The following ANO10 variants were observed in gnomAD, a reference collection of about 807,000 sequenced individuals.
ANO10 encodes anoctamin 10, also known as anoctamin-10.
Under a neutral mutation model 74.7 loss-of-function variants are expected in ANO10, and 77 were observed. That is an observed-to-expected ratio of 1.03 (90% confidence interval 0.86 to 1.25). ANO10 has a LOEUF of 1.25. Ranked by LOEUF, ANO10 falls within the 50% of genes most tolerant of loss-of-function variation. The pLI, the probability that ANO10 is intolerant of heterozygous loss-of-function variation, is 0.00. For synonymous variants in ANO10, 279 were observed against 284.9 expected, an observed-to-expected ratio of 0.98 and a Z score of 0.21; for missense variants, 721 against 778.1, an observed-to-expected ratio of 0.93 and a Z score of 0.87.
At chr3:43,441,070 G>C (rs2093151483) in intron 11 of ANO10, among the ~76,000 whole-genome samples, 1 of 151,794 alleles carries the variant, frequency 6.6e-6, no homozygotes, top group Non-Finnish European at 1.5e-5. Context: ...GTTTATAGTG[G>C]TAAATGCTTA....
At chr3:43,626,986 GACTC>G (rs1397702000), upstream of ANO10, among the ~76,000 whole-genome samples, 1 of 119,082 alleles carries the variant, frequency 8.4e-6, no homozygotes, top group Non-Finnish European at 1.6e-5. Context: ...AGCCATTGAA[GACTC>G]ACTGTCAGTA....
At chr3:43,484,512 A>C (rs2076389786) in intron 11 of ANO10, among the ~76,000 whole-genome samples, 1 of 152,178 alleles carries the variant, frequency 6.6e-6, no homozygotes, top group Non-Finnish European at 1.5e-5. Context: ...ATGTCAAAGA[A>C]ATATATTTTT....
intron 12 of ANO10, among the ~76,000 whole-genome samples, chr3:43,394,400 T>C (rs1176292234): frequency 1.3e-5 from 2 of 152,146 alleles, no homozygotes; most frequent in Non-Finnish European, 2.9e-5. Context: ...TTTTTCTTTT[T>C]CCCTTGTGTC....
In ANO10 at chr3:43,561,240, T is replaced by C. The variant is rs1328978968; in HGVS notation, c.1456A>G (p.Lys486Glu). 3.7e-6 allele frequency: 6 copies of C among 1,614,198 alleles called. No homozygotes were observed. Among genetic ancestry groups the C allele is most frequent in the African/African-American group, 1.3e-5 (1 of 75,056 alleles). The part of the protein sequence containing the change: ...ATLYEQVILE[K>E]EMGTYLGTFD... ...CTTACCAAATAAGTTCCCATTTCTTTTTCCAGGATGACTTGTTCATATAAT... is the reference window on the plus strand; with the variant it reads ...CTTACCAAATAAGTTCCCATTTCTTCTTCCAGGATGACTTGTTCATATAAT... Residue 486 changes from lysine to glutamate, a missense_variant, in exon 9 of 13, where the codon AAA (lysine) becomes GAA (glutamate). Physicochemically the swap from Lys to Glu is moderately conservative, Grantham distance 56 (BLOSUM62 1). Coordinates refer to ENST00000292246, the MANE Select transcript of ANO10 (RefSeq NM_018075.5).
At chr3:43,522,834 T>C (rs915611029) in intron 11 of ANO10, among the ~76,000 whole-genome samples, 3 of 152,208 alleles carry the variant, frequency 2.0e-5, no homozygotes, top group African/African-American at 4.8e-5. Flanking sequence ...ACCATTGGCA[T>C]AGCACTGCCA....
At chr3:43,389,136 G>T (rs1324660420) in intron 12 of ANO10, among the ~76,000 whole-genome samples, 1 of 152,240 alleles carries the variant, frequency 6.6e-6, no homozygotes, top group South Asian at 2.1e-4. Context: ...GTGAAATCTA[G>T]AGTGTTAGAA....
chr3:43,421,455 G>A (rs2092818647), intron 12 of ANO10, among the ~76,000 whole-genome samples: 3 of 152,154 alleles, frequency 2.0e-5, no homozygotes. Flanking sequence ...AGCCTGGGAG[G>A]TCGAGGCTGC....
chr3:43,690,621 C>G (rs771204869), intron 1 of ANO10: 2 of 239,670 alleles, frequency 8.3e-6, no homozygotes, highest in Non-Finnish European at 1.6e-5. Context: ...GCACCTCCGT[C>G]CCCAAGGTGC....
chr3:43,661,187 T>A (rs966611025), intron 1 of ANO10, among the ~76,000 whole-genome samples: 11 of 152,126 alleles, frequency 7.2e-5, no homozygotes, highest in Admixed American at 5.9e-4. Context: ...GGGAAGCCCA[T>A]CAGACTAACA....
intron 4 of ANO10, among the ~76,000 whole-genome samples, chr3:43,595,853 T>G (rs1260512384): frequency 6.6e-6 from 1 of 152,100 alleles, no homozygotes; most frequent in African/African-American, 2.4e-5. Flanking sequence ...GACTGTATAT[T>G]TAGAAAACCC....
chr3:43,412,893 C>A (rs1435435043), intron 12 of ANO10, among the ~76,000 whole-genome samples: 1 of 151,930 alleles, frequency 6.6e-6, no homozygotes, highest in East Asian at 1.9e-4. Context: ...TGTACTAAAA[C>A]CACAAAAATT....
At chr3:43,445,964 T>C (rs1283341940) in intron 11 of ANO10, among the ~76,000 whole-genome samples, 2 of 152,178 alleles carry the variant, frequency 1.3e-5, no homozygotes. Context: ...CCCAAAGAGC[T>C]GGGATTACAG....
chr3:43,624,419 A>G (rs1347828636), upstream of ANO10, among the ~76,000 whole-genome samples: 1 of 152,212 alleles, frequency 6.6e-6, no homozygotes, highest in South Asian at 2.1e-4. Context: ...TAGATTTCTC[A>G]TGAATGGTTT....
intron 10 of ANO10, among the ~76,000 whole-genome samples, chr3:43,551,894 C>T (rs2079479859): frequency 6.6e-6 from 1 of 152,156 alleles, no homozygotes; most frequent in African/African-American, 2.4e-5. Context: ...CAATCTCTGT[C>T]TTTAATTGTT....
In ANO10 at chr3:43,663,805, C is replaced by A. The variant is rs187521264; in HGVS notation, c.-12+27712G>T. ...AATTGCTACTAAGAGAATAAAATAC[C>A]TAAGAATACAACTTACAAGAGATGT... On this transcript the variant is annotated intron_variant, in intron 1 of 3. Transcript: ENST00000413397. Among the ~76,000 whole-genome samples the A allele has an allele frequency of 6.4e-4, 98 of 152,226 alleles. 2 individuals are homozygous for A. The highest frequency in any genetic ancestry group is 2.3e-3 in the African/African-American group (95 of 41,526).
At chr3:43,534,494 G>C (rs1274518908) in intron 11 of ANO10, among the ~76,000 whole-genome samples, 1 of 150,918 alleles carries the variant, frequency 6.6e-6, no homozygotes, top group Admixed American at 6.6e-5. Context: ...GCGCGCAAGA[G>C]AGAACGGGAG....
intron 1 of ANO10, among the ~76,000 whole-genome samples, chr3:43,642,580 A>G (rs2083681145): frequency 6.6e-6 from 1 of 152,182 alleles, no homozygotes; most frequent in Non-Finnish European, 1.5e-5. Flanking sequence ...TTTTAAATAT[A>G]TAAAACATTT....
At chr3:43,672,632 C>G (rs2084073719) in intron 1 of ANO10, among the ~76,000 whole-genome samples, 1 of 152,156 alleles carries the variant, frequency 6.6e-6, no homozygotes, top group Non-Finnish European at 1.5e-5. Flanking sequence ...CTCTATCTTT[C>G]AAATGCTTAA....
At chr3:43,590,797 C>A (rs1464374997) in intron 4 of ANO10, among the ~76,000 whole-genome samples, 1 of 152,176 alleles carries the variant, frequency 6.6e-6, no homozygotes, top group East Asian at 1.9e-4. Flanking sequence ...GGTTCTTGGG[C>A]ATCTGTCTGC....
Sources: allele counts gnomAD v4.1 joint callset (sites outside exome capture counted in the v4.1 genomes callset), GRCh38; gene constraint gnomAD v4.1.1; transcripts MANE v1.5; gene names NCBI Gene and HGNC (gene_info 2026-07-23, HGNC 2026-07-21).